Variants in GOPC observed in about 807,000 individuals in gnomAD.
GOPC encodes Golgi-associated PDZ and coiled-coil motif-containing protein.
GOPC carries 32 observed loss-of-function variants against 51.2 expected under a neutral mutation model. That is an observed-to-expected ratio of 0.63 (90% confidence interval 0.47 to 0.84). The LOEUF (loss-of-function observed/expected upper bound fraction) is 0.84. Ranked by LOEUF, GOPC falls within the 40% of genes least tolerant of loss-of-function variation. The pLI is 0.00. For missense variants in GOPC, 441 were observed against 555.5 expected (o/e 0.79, Z 2.07); for synonymous variants, 190 against 205.1 (o/e 0.93, Z 0.63).
intron 1 of GOPC, among the ~76,000 whole-genome samples, chr6:117,598,470 T>G (rs1459673247): frequency 6.6e-6 from 1 of 152,170 alleles, no homozygotes; most frequent in Non-Finnish European, 1.5e-5. Flanking sequence ...AGATGTTGGT[T>G]AACACAGCGG....
At chr6:117,594,206 T>TA (rs1159256689) in intron 1 of GOPC, among the ~76,000 whole-genome samples, 1 of 152,204 alleles carries the variant, frequency 6.6e-6, no homozygotes. Context: ...TTGTTACACA[T>TA]ACCAACTATC....
chr6:117,570,841 T>G lies in GOPC; in HGVS notation c.912+19A>C. The G allele has an allele frequency of 8.3e-7, 1 of 1,197,684 alleles. No homozygotes were observed. Among genetic ancestry groups the G allele is most frequent in the Non-Finnish European group, 1.2e-6 (1 of 831,346 alleles). 74.2% of individuals were successfully genotyped at this position (1,197,684 alleles called of 1,614,324 possible). On this transcript the variant is annotated intron_variant, in intron 6 of 8. Coordinates refer to ENST00000368498, the MANE Select transcript of GOPC (RefSeq NM_020399.4). ...ACTAGATAACTGTAGAAAATGATAC[T>G]GGAAGTACTACTTCTTACTGTAATT...
chr6:117,580,227 CA>C (rs1779938278), intron 1 of GOPC, among the ~76,000 whole-genome samples: 1 of 152,018 alleles, frequency 6.6e-6, no homozygotes, highest in Admixed American at 6.6e-5. Flanking sequence ...CCAACTGCAC[CA>C]ACCAGTGCCT....
At chr6:117,570,005 G>A (rs921366430) in intron 6 of GOPC, 1 of 265,514 alleles carries the variant, frequency 3.8e-6, no homozygotes, top group Non-Finnish European at 6.9e-6. Context: ...AAATCACTAC[G>A]AATGACAAGA....
At position 117,573,592 on chromosome 6, in the gene GOPC, G is replaced by T. The variant is rs1175989792; in HGVS notation, c.691C>A (p.Pro231Thr). ...IQLLGRDMKG[P>T]AHDKLWNQLE... ...TGGTTCCAAAGCTTATCATGAGCAG[G>T]TCCCTTCATATCTCGTCCTAGCAAT... Residue 231 changes from proline (P) to threonine (T), a missense_variant, in exon 5 of 9, where the codon CCT becomes ACT. Pro to Thr is a conservative substitution (Grantham distance 38). Transcript: ENST00000368498. The T allele has an allele frequency of 3.7e-6, 6 of 1,613,888 alleles. No individual in the cohort carries two copies. The highest frequency in any genetic ancestry group is 5.1e-6 in the Non-Finnish European group (6 of 1,179,898).
intron 1 of GOPC, among the ~76,000 whole-genome samples, chr6:117,596,058 C>T (rs1231800062): frequency 6.7e-6 from 1 of 150,048 alleles, no homozygotes; most frequent in African/African-American, 2.4e-5. Context: ...GTGCCAACAT[C>T]TATTTTTTTT....
At chr6:117,579,149 A>G in intron 1 of GOPC, 85 bp from the exon 2 acceptor site, 1 of 1,033,630 alleles carries the variant, frequency 9.7e-7, no homozygotes, top group Non-Finnish European at 1.4e-6. Flanking sequence ...ATGACAACAG[A>G]GAGACTACCT....
At position 117,573,645 on chromosome 6, in the gene GOPC, A is replaced by G; in HGVS notation, c.651-13T>C. ...TATCTGTTGGACCCTTCATATTGGG[A>G]AAAGAGTACATTGATTTTTCATTAT... On this transcript the variant is annotated splice_polypyrimidine_tract_variant and intron_variant, in intron 4 of 8. Transcript: ENST00000368498. 6.3e-7 allele frequency: 1 copy of G among 1,595,714 alleles called. No homozygotes were observed. The highest frequency in any genetic ancestry group is 2.2e-5 in the East Asian group (1 of 44,482).
At position 117,566,853 on chromosome 6, in the gene GOPC, C is replaced by T. The variant is rs1314100225; in HGVS notation, c.1258+1G>A. The T allele has an allele frequency of 5.2e-6, 8 of 1,540,156 alleles. No individual in the cohort carries two copies. Among genetic ancestry groups the T allele is most frequent in the East Asian group, 2.3e-5 (1 of 43,122 alleles). On this transcript the variant is annotated splice_donor_variant, in intron 8 of 8. Coordinates refer to ENST00000368498, the MANE Select transcript of GOPC (RefSeq NM_020399.4). LOFTEE classifies it high-confidence loss of function. The stretch of plus-strand genomic sequence containing the variant: ...ATAATAATTTTTAGAGTGATTTTTA[C>T]CTTGTAATACTTTGATTTCCCCACT...
At chr6:117,584,262 G>T (rs556247306) in intron 1 of GOPC, among the ~76,000 whole-genome samples, 3 of 152,286 alleles carry the variant, frequency 2.0e-5, no homozygotes, top group African/African-American at 7.2e-5. Flanking sequence ...TCAGTTGGGT[G>T]TCCTCCAATT....
intron 5 of GOPC, among the ~76,000 whole-genome samples, chr6:117,571,623 C>T (rs1696725015): frequency 6.6e-6 from 1 of 152,102 alleles, no homozygotes; most frequent in Admixed American, 6.6e-5. Flanking sequence ...AACCTCTACA[C>T]GAAGTTCATC....
chr6:117,593,791 C>T (rs1681069203), intron 1 of GOPC, among the ~76,000 whole-genome samples: 1 of 152,182 alleles, frequency 6.6e-6, no homozygotes, highest in African/African-American at 2.4e-5. Context: ...TCTATTCAGG[C>T]AACCAGCTGC....
intron 1 of GOPC, among the ~76,000 whole-genome samples, chr6:117,589,470 C>A (rs1441036802): frequency 1.3e-5 from 2 of 152,232 alleles, no homozygotes; most frequent in Non-Finnish European, 2.9e-5. Flanking sequence ...CAGGCATGTA[C>A]CACCATTCCT....
At chr6:117,580,311 C>T (rs961085918) in intron 1 of GOPC, among the ~76,000 whole-genome samples, 9 of 152,078 alleles carry the variant, frequency 5.9e-5, no homozygotes, top group African/African-American at 2.2e-4. Context: ...CTGTGATTCT[C>T]AATAAAACAT....
intron 8 of GOPC, among the ~76,000 whole-genome samples, chr6:117,565,319 T>C (rs1779674333): frequency 6.6e-6 from 1 of 152,222 alleles, no homozygotes; most frequent in Non-Finnish European, 1.5e-5. Flanking sequence ...CACAGATATG[T>C]AGTTGCTAAA....
At chr6:117,591,517 G>A (rs1286407989) in intron 1 of GOPC, among the ~76,000 whole-genome samples, 1 of 152,316 alleles carries the variant, frequency 6.6e-6, no homozygotes, top group African/African-American at 2.4e-5. Context: ...TGCCTATAAA[G>A]AGCAGAGAGG....
chr6:117,565,590 G>A (rs1779679992), intron 8 of GOPC, among the ~76,000 whole-genome samples: 2 of 152,082 alleles, frequency 1.3e-5, no homozygotes, highest in Admixed American at 1.3e-4. Context: ...TCACTTTACT[G>A]TATCAAAAAA....
Position 117,602,168 on chromosome 6 carries a change from ACTC to A in GOPC, c.118_120del (p.Glu40del). ...TCCACATCCACAAAAGCTTTGTCGA[ACTC>A]CTTCTCCAGCACCTCCAGCCACCGG... On this transcript the variant is annotated inframe_deletion, in exon 1 of 9. Transcript: ENST00000368498. 6.2e-7 allele frequency: 1 copy of A among 1,613,164 alleles called. No homozygotes were observed. The highest frequency in any genetic ancestry group is 8.5e-7 in the Non-Finnish European group (1 of 1,179,866).
chr6:117,600,606 C>A (rs898805058), intron 1 of GOPC, among the ~76,000 whole-genome samples: 1 of 151,890 alleles, frequency 6.6e-6, no homozygotes, highest in African/African-American at 2.4e-5. Context: ...GAATTCAAGA[C>A]CAAACTGGGC....
Sources: allele counts gnomAD v4.1 joint callset (sites outside exome capture counted in the v4.1 genomes callset), GRCh38; gene constraint gnomAD v4.1.1; transcripts MANE v1.5; gene names NCBI Gene and HGNC (gene_info 2026-07-23, HGNC 2026-07-21).